LYRM4: variants seen among roughly 807,000 people sequenced by gnomAD.
The protein encoded by LYRM4 is LYR motif-containing protein 4.
Under a neutral mutation model 11.7 loss-of-function variants are expected in LYRM4, and 9 were observed. The ratio of observed to expected loss-of-function variants is 0.77; its 90% CI spans 0.46 to 1.34. LYRM4 has a LOEUF of 1.34. Ranked by LOEUF, LYRM4 falls within the 40% of genes most tolerant of loss-of-function variation. The pLI is 0.00. For synonymous variants in LYRM4, 42 were observed against 40.4 expected, an observed-to-expected ratio of 1.04 and a Z score of -0.15; for missense variants, 133 against 112.5, an observed-to-expected ratio of 1.18 and a Z score of -0.82.
the LYRM4 span, among the ~76,000 whole-genome samples, chr6:5,062,648 GCTGCCAGCTGGCTCTTCTA>G: frequency 4.6e-5 from 7 of 152,192 alleles, no homozygotes. Flanking sequence ...CTGCAGGTGA[GCTGCCAGCTGGCTCTTCTA>G]CTGAAAACAC....
At chr6:5,114,673 A>G (rs1050298645) in intron 2 of LYRM4, among the ~76,000 whole-genome samples, 16 of 152,156 alleles carry the variant, frequency 1.1e-4, no homozygotes, top group African/African-American at 3.9e-4. Flanking sequence ...TCCCTGGGCC[A>G]CACTAGAAGA....
chr6:5,258,629 G>A lies in LYRM4; in HGVS notation c.86+2019C>T, dbSNP rs527718219. Among the ~76,000 whole-genome samples, 21 of 152,272 alleles carry A rather than the reference G, an allele frequency of 1.4e-4. No homozygotes were observed. In the South Asian group the frequency reaches 4.1e-3, roughly 30 times the overall value. ...AAGGACGTATTTTTATAACAAGTAA[G>A]TTTATCTAGGGAGGTAATAGCAGGA... On this transcript the variant is annotated intron_variant, in intron 1 of 2. Coordinates refer to ENST00000330636, the MANE Select transcript of LYRM4 (RefSeq NM_020408.6).
chr6:5,038,631 C>A, the LYRM4 span, among the ~76,000 whole-genome samples: 1 of 64,032 alleles, frequency 1.6e-5, no homozygotes, highest in African/African-American at 4.2e-5. Flanking sequence ...CGTCCGCAAT[C>A]CCGGCACCTC....
downstream of LYRM4, chr6:5,103,138 T>C (rs1383208205): frequency 6.6e-6 from 1 of 152,206 alleles, no homozygotes; most frequent in Non-Finnish European, 1.5e-5. Context: ...ACATAGACTT[T>C]AGGTAAACTC....
chr6:5,127,580 A>G (rs1298004351), intron 2 of LYRM4, among the ~76,000 whole-genome samples: 1 of 152,252 alleles, frequency 6.6e-6, no homozygotes, highest in Admixed American at 6.5e-5. Context: ...TCTATAAAGT[A>G]TAAAATACAG....
At chr6:5,041,665 T>A in the LYRM4 span, among the ~76,000 whole-genome samples, 1 of 152,240 alleles carries the variant, frequency 6.6e-6, no homozygotes, top group East Asian at 1.9e-4. Context: ...TTTAGAGATA[T>A]CTGGGTTTTT....
At chr6:5,230,562 T>C (rs35587351) in intron 1 of LYRM4, among the ~76,000 whole-genome samples, 2 of 152,152 alleles carry the variant, frequency 1.3e-5, no homozygotes. Context: ...AGTGTGAACC[T>C]GCCAATAATG....
intron 2 of LYRM4, among the ~76,000 whole-genome samples, chr6:5,137,145 T>C (rs1351975254): frequency 6.6e-6 from 1 of 152,228 alleles, no homozygotes; most frequent in Non-Finnish European, 1.5e-5. Context: ...TCAAGGGCCA[T>C]CCGTGTTCTA....
intron 2 of LYRM4, among the ~76,000 whole-genome samples, chr6:5,176,442 T>C (rs373165327): frequency 1.8e-4 from 27 of 152,234 alleles, no homozygotes; most frequent in Non-Finnish European, 3.5e-4. Context: ...TTATCTGAAA[T>C]GGCTTCTTTG....
the LYRM4 span, among the ~76,000 whole-genome samples, chr6:5,056,592 A>T: frequency 6.6e-6 from 1 of 152,244 alleles, no homozygotes; most frequent in African/African-American, 2.4e-5. Flanking sequence ...AGCTTTTCTT[A>T]TCCAATAGCA....
chr6:5,255,682 C>A (rs918448010), intron 1 of LYRM4, among the ~76,000 whole-genome samples: 5 of 152,048 alleles, frequency 3.3e-5, no homozygotes, highest in African/African-American at 4.8e-5. Flanking sequence ...AGAATAGCAT[C>A]CGTAGCCACG....
intron 2 of LYRM4, among the ~76,000 whole-genome samples, chr6:5,177,508 G>T (rs1459228265): frequency 2.0e-5 from 3 of 152,214 alleles, no homozygotes; most frequent in African/African-American, 4.8e-5. Flanking sequence ...GATCATTCAG[G>T]TGACCATTGT....
chr6:5,100,646 A>AG (rs546489439), downstream of LYRM4, among the ~76,000 whole-genome samples: 5 of 152,262 alleles, frequency 3.3e-5, no homozygotes, highest in East Asian at 9.6e-4. Flanking sequence ...AGGGATCAAA[A>AG]GGGGTTCCTG....
chr6:5,159,568 A>G (rs1160451452), intron 2 of LYRM4, among the ~76,000 whole-genome samples: 1 of 152,244 alleles, frequency 6.6e-6, no homozygotes. Flanking sequence ...TTTACCGCCT[A>G]CATGGCTACT....
At chr6:5,086,445 G>C in the LYRM4 span, 1 of 1,536,510 alleles carries the variant, frequency 6.5e-7, no homozygotes, top group African/African-American at 1.4e-5. Context: ...ACGCCGACGA[G>C]CGCGGCGTCG....
chr6:5,134,852 T>G (rs1211244796), intron 2 of LYRM4, among the ~76,000 whole-genome samples: 2 of 152,230 alleles, frequency 1.3e-5, no homozygotes, highest in Non-Finnish European at 2.9e-5. Context: ...AGAGATCTCA[T>G]CCCTATTCCT....
At chr6:5,037,820 C>T in the LYRM4 span, among the ~76,000 whole-genome samples, 2 of 58,952 alleles carry the variant, frequency 3.4e-5, no homozygotes, top group Non-Finnish European at 4.2e-5. Context: ...GGGGGCTGAC[C>T]CCCCCTCCCC....
the LYRM4 span, chr6:5,033,061 T>C: frequency 6.6e-6 from 1 of 152,284 alleles, no homozygotes; most frequent in Non-Finnish European, 1.5e-5. Flanking sequence ...CAAGTCTGTG[T>C]CTCCGCCCCA....
intron 1 of LYRM4, among the ~76,000 whole-genome samples, chr6:5,237,960 T>G (rs907920630): frequency 1.3e-5 from 2 of 152,160 alleles, no homozygotes; most frequent in African/African-American, 4.8e-5. Flanking sequence ...TCACAGACAC[T>G]CTGACTCACA....
Sources: gnomAD v4.1 joint callset for allele counts (sites outside exome capture counted in the v4.1 genomes callset) on GRCh38, gnomAD v4.1.1 for gene constraint, MANE v1.5 for transcripts, NCBI Gene and HGNC (gene_info 2026-07-23, HGNC 2026-07-21) for gene names.